The following VTCN1 variants were observed in gnomAD, a reference collection of about 807,000 sequenced individuals.
The protein encoded by VTCN1 is V-set domain containing T cell activation inhibitor 1.
In VTCN1, 26 loss-of-function variants were observed where a neutral mutation model predicts 26.5. The observed-to-expected ratio is 0.98, with a 90% confidence interval of 0.72 to 1.36. The LOEUF (loss-of-function observed/expected upper bound fraction) is 1.36. Ranked by LOEUF, VTCN1 falls within the 40% of genes most tolerant of loss-of-function variation. The pLI, the probability that VTCN1 is intolerant of heterozygous loss-of-function variation, is 0.00. For missense variants in VTCN1, 298 were observed against 337.7 expected, an observed-to-expected ratio of 0.88 and a Z score of 0.92; for synonymous variants, 116 against 130.7, an observed-to-expected ratio of 0.89 and a Z score of 0.77.
rs954834434 is a variant in VTCN1, at chr1:117,169,236, A to C, written c.97+871T>G. Among the ~76,000 whole-genome samples the C allele has an allele frequency of 1.3e-5, 2 of 152,236 alleles. No individual in the cohort carries two copies. The highest frequency in any genetic ancestry group is 2.9e-5 in the Non-Finnish European group (2 of 68,036). ...AAAAGATGCTTCAGAGCAGTGGCCTATGCAGAAGAGGAAAGTGAAGAGACT... is the reference window on the plus strand; with the variant it reads ...AAAAGATGCTTCAGAGCAGTGGCCTCTGCAGAAGAGGAAAGTGAAGAGACT... On this transcript the variant is annotated intron_variant, in intron 2 of 5. Transcript: ENST00000369458. The surrounding 1 kb of genome is among the most constrained non-coding windows in gnomAD (Gnocchi z 4.0).
intron 1 of VTCN1, among the ~76,000 whole-genome samples, chr1:117,179,847 T>C (rs998696645): frequency 1.3e-5 from 2 of 152,188 alleles, no homozygotes; most frequent in African/African-American, 4.8e-5. Flanking sequence ...CGGAGATAGA[T>C]ACTATTATCT....
rs939455400 is a variant in VTCN1 at position 117,167,742 on chromosome 1, G to A, written c.97+2365C>T. The stretch of plus-strand genomic sequence containing the variant: ...TAAGCACTCACACTCCTTGTGAGCT[G>A]CTTTATTTTGAGACAGTAGAAAAAG... On this transcript the variant is annotated intron_variant, in intron 2 of 5. Transcript: ENST00000369458. This position sits in a 1 kb window ranked among gnomAD's most constrained non-coding sequence, Gnocchi z 4.1. Among the ~76,000 whole-genome samples, 1 of 152,152 alleles carries A rather than the reference G, an allele frequency of 6.6e-6. No individual in the cohort carries two copies. The highest frequency in any genetic ancestry group is 1.5e-5 in the Non-Finnish European group (1 of 68,024).
At chr1:117,170,433 T>G (rs922688621) in intron 1 of VTCN1, 2 of 531,712 alleles carry the variant, frequency 3.8e-6, no homozygotes, top group Non-Finnish European at 7.2e-6. Context: ...TATTTCCAGA[T>G]CAGGGAAGAC....
At chr1:117,157,997 C>A (rs1184541103) in intron 2 of VTCN1, among the ~76,000 whole-genome samples, 1 of 152,222 alleles carries the variant, frequency 6.6e-6, no homozygotes, top group South Asian at 2.1e-4. Context: ...ACATCCAGGT[C>A]ATGCTGATGC....
rs1437558431 is a variant in VTCN1 at position 117,143,750 on chromosome 1, T to C, written c.*1521A>G. The C allele has an allele frequency of 1.3e-5, 2 of 152,294 alleles. No homozygotes were observed. The highest frequency in any genetic ancestry group is 2.9e-5 in the Non-Finnish European group (2 of 68,088). The allele number at this position is 152,294 out of a possible 1,614,324, so 9.4% of individuals were successfully genotyped here. On this transcript the variant is annotated 3_prime_UTR_variant, in exon 6 of 6. Transcript: ENST00000369458. The stretch of plus-strand genomic sequence containing the variant: ...GGGGGCTGGAAACAAAGTATTCTTT[T>C]CCTTCAAAGCTTCATTCCTCAAGGC...
In VTCN1 at chr1:117,147,712, G is replaced by A. The variant is rs2101423047; in HGVS notation, c.795C>T (p.Phe265=). Residue 265 remains phenylalanine (F), a synonymous_variant, in exon 5 of 6, where the codon TTC becomes TTT. Transcript: ENST00000369458. The surrounding 1 kb of genome is among the most constrained non-coding windows in gnomAD (Gnocchi z 4.6). ...NSKASLCVSS[F]FAISWALLPL... The stretch of plus-strand genomic sequence containing the variant: ...GCAGAAGTGCCCAGCTGATGGCAAA[G>A]AAAGAAGAGACACACAGAGAAGCCT... 1 of 1,614,046 alleles carries A rather than the reference G, an allele frequency of 6.2e-7. No homozygotes were observed. The highest frequency in any genetic ancestry group is 8.5e-7 in the Non-Finnish European group (1 of 1,179,946).
At chr1:117,176,972 A>G (rs1280235372) in intron 1 of VTCN1, among the ~76,000 whole-genome samples, 1 of 152,092 alleles carries the variant, frequency 6.6e-6, no homozygotes, top group Non-Finnish European at 1.5e-5. Context: ...GGTGGTGTGC[A>G]TGCGTAGTCC....
intron 3 of VTCN1, among the ~76,000 whole-genome samples, chr1:117,154,972 TTTC>T (rs1651995316): frequency 6.6e-6 from 1 of 152,166 alleles, no homozygotes; most frequent in Admixed American, 6.5e-5. Flanking sequence ...GTTGCTTGAG[TTTC>T]TTCTAGTCTG....
chr1:117,204,588 C>A (rs1648947456), intron 1 of VTCN1, among the ~76,000 whole-genome samples: 1 of 152,072 alleles, frequency 6.6e-6, no homozygotes, highest in Non-Finnish European at 1.5e-5. Context: ...CTGTTTTGGC[C>A]AGTTGCGGTG....
chr1:117,209,039 C>T (rs1649233024), intron 1 of VTCN1, among the ~76,000 whole-genome samples: 1 of 152,198 alleles, frequency 6.6e-6, no homozygotes, highest in African/African-American at 2.4e-5. Flanking sequence ...TGATCCTGCT[C>T]CCCACTGAAG....
At position 117,143,835 on chromosome 1, in the gene VTCN1, A is replaced by G. The variant is rs969822190; in HGVS notation, c.*1436T>C. ...AGTCTGTGTGTGCTTCATGGAAGGT[A>G]TATGTTTGTTGCCTTAATTTGAATT... On this transcript the variant is annotated 3_prime_UTR_variant, in exon 6 of 6. Transcript: ENST00000369458. The G allele has an allele frequency of 6.6e-6, 1 of 152,178 alleles. No homozygotes were observed. Among genetic ancestry groups the G allele is most frequent in the Non-Finnish European group, 1.5e-5 (1 of 68,040 alleles). 9.4% of individuals were successfully genotyped at this position (152,178 alleles called of 1,614,324 possible).
At position 117,146,132 on chromosome 1, in the gene VTCN1, A is replaced by T. The variant is rs1320765567; in HGVS notation, c.*46-907T>A. Among the ~76,000 whole-genome samples the T allele has an allele frequency of 6.6e-6, 1 of 152,220 alleles. No individual in the cohort carries two copies. Among genetic ancestry groups the T allele is most frequent in the Non-Finnish European group, 1.5e-5 (1 of 68,042 alleles). On this transcript the variant is annotated intron_variant, in intron 5 of 5. Coordinates refer to ENST00000369458, the MANE Select transcript of VTCN1 (RefSeq NM_024626.4). This position sits in a 1 kb window ranked among gnomAD's most constrained non-coding sequence, Gnocchi z 4.2. ...TACTCTAAGGGAATACAAGGTAAAG[A>T]TGAGTCAGCTATGTTATATAGGACA...
At chr1:117,186,151 A>G (rs1197010064) in intron 1 of VTCN1, among the ~76,000 whole-genome samples, 1 of 152,240 alleles carries the variant, frequency 6.6e-6, no homozygotes, top group Non-Finnish European at 1.5e-5. Context: ...ATGTAGTTCA[A>G]CAATGGTCAT....
intron 1 of VTCN1, among the ~76,000 whole-genome samples, chr1:117,174,543 G>A (rs1338126583): frequency 6.6e-6 from 1 of 152,220 alleles, no homozygotes; most frequent in Non-Finnish European, 1.5e-5. Context: ...GAGGCGGGCG[G>A]ATTACCTGAG....
intron 1 of VTCN1, chr1:117,203,639 T>C (rs1426146115): frequency 6.3e-5 from 62 of 985,306 alleles, no homozygotes; most frequent in Non-Finnish European, 7.2e-5. Context: ...TCATGGCTTT[T>C]CCTTTGTTTT....
chr1:117,170,227 G>A, intron 1 of VTCN1, 56 bp from the exon 2 acceptor site: 1 of 1,507,610 alleles, frequency 6.6e-7, no homozygotes, highest in Non-Finnish European at 9.2e-7. Context: ...TTGATGTGCT[G>A]CTTTGCAACT....
At chr1:117,186,087 C>T (rs984302989) in intron 1 of VTCN1, among the ~76,000 whole-genome samples, 2 of 152,234 alleles carry the variant, frequency 1.3e-5, no homozygotes, top group African/African-American at 4.8e-5. Flanking sequence ...TTCTGCTTCA[C>T]TGTTCTGAAA....
intron 1 of VTCN1, among the ~76,000 whole-genome samples, chr1:117,184,201 C>G (rs996728153): frequency 6.6e-6 from 1 of 152,122 alleles, no homozygotes; most frequent in Non-Finnish European, 1.5e-5. Flanking sequence ...CCTTCTGGTA[C>G]TCCCCCTGCC....
In VTCN1 at chr1:117,156,762, C is replaced by A. The variant is rs368770116; in HGVS notation, c.257G>T (p.Gly86Val). Residue 86 changes from glycine (G) to valine (V), a missense_variant, in exon 3 of 6, where the codon GGC (glycine) becomes GTC (valine). By Grantham distance (109) the Gly-to-Val change is moderately radical (BLOSUM62 -3). Transcript: ENST00000369458. ...VLGLVHEFKE[G>V]KDELSEQDEM... Reference sequence around the variant, plus strand: ...ATCCTGCTCCGACAGCTCATCTTTGCCTTCTTTGAACTCATGGACCAAGCC... The same window carrying A: ...ATCCTGCTCCGACAGCTCATCTTTGACTTCTTTGAACTCATGGACCAAGCC... 6.8e-6 allele frequency: 11 copies of A among 1,613,998 alleles called. No individual in the cohort carries two copies. The African/African-American group carries it at 8.0e-5, about 12-fold the overall frequency.
Sources: gnomAD v4.1 joint callset for allele counts (sites outside exome capture counted in the v4.1 genomes callset) on GRCh38, gnomAD v4.1.1 for gene constraint, Gnocchi (gnomAD v3.1) non-coding constraint, MANE v1.5 for transcripts, NCBI Gene and HGNC (gene_info 2026-07-23, HGNC 2026-07-21) for gene names.